The following SLC5A10 variants were observed in gnomAD, a reference collection of about 807,000 sequenced individuals.
The protein encoded by SLC5A10 is solute carrier family 5 member 10, also known as sodium/mannose cotransporter SLC5A10.
A neutral mutation model predicts 68.9 loss-of-function variants in SLC5A10; 55 were observed. The observed-to-expected ratio is 0.80, with a 90% confidence interval of 0.64 to 1.00. The LOEUF (loss-of-function observed/expected upper bound fraction) is 1.00. Ranked by LOEUF, SLC5A10 falls within the 50% of genes least tolerant of loss-of-function variation. The pLI is 0.00. For synonymous variants in SLC5A10, 344 were observed against 344.8 expected (o/e 1.00, Z 0.02); for missense variants, 732 against 819.3 (o/e 0.89, Z 1.30).
intron 8 of SLC5A10, among the ~76,000 whole-genome samples, chr17:18,975,060 G>A: frequency 6.6e-6 from 1 of 152,196 alleles, no homozygotes; most frequent in East Asian, 1.9e-4. Context: ...GCTGACATGA[G>A]CACAGATTGG....
intron 8 of SLC5A10, among the ~76,000 whole-genome samples, chr17:18,974,915 C>T (rs2042942690): frequency 6.6e-6 from 1 of 152,070 alleles, no homozygotes; most frequent in African/African-American, 2.4e-5. Context: ...GAGTTGGGGG[C>T]CCAGCCTTGC....
chr17:18,970,867 C>T, intron 7 of SLC5A10, 146 bp from the exon 8 acceptor site: 1 of 688,090 alleles, frequency 1.5e-6, no homozygotes, highest in Non-Finnish European at 2.5e-6. Flanking sequence ...ACCCTCACAC[C>T]TTTCCAAACA....
intron 8 of SLC5A10, among the ~76,000 whole-genome samples, chr17:18,973,294 C>T (rs1157805037): frequency 6.6e-6 from 1 of 152,210 alleles, no homozygotes; most frequent in Non-Finnish European, 1.5e-5. Context: ...AACGAATCTG[C>T]ACATGTCCTG....
chr17:18,950,997 G>C (rs1473711414), upstream of SLC5A10: 1 of 152,274 alleles, frequency 6.6e-6, no homozygotes, highest in Non-Finnish European at 1.5e-5. Flanking sequence ...CCTCCCAAGG[G>C]CATGAGCCAC....
intron 9 of SLC5A10, among the ~76,000 whole-genome samples, chr17:18,992,875 C>T (rs562419317): frequency 6.6e-6 from 1 of 152,250 alleles, no homozygotes; most frequent in South Asian, 2.1e-4. Context: ...TGCTGGTGGC[C>T]GCCCTCTCCC....
In SLC5A10 at chr17:19,015,054, C is replaced by T. The variant is rs141223606; in HGVS notation, c.1096C>T (p.Arg366Trp). 8.7e-6 allele frequency: 14 copies of T among 1,613,086 alleles called. No individual in the cohort carries two copies. The Admixed American group carries it at 1.3e-4, about 15-fold the overall frequency. The change falls in exon 11 of 15, where the codon CGG becomes TGG. Residue 366 changes from arginine (R) to tryptophan (W), a missense_variant. Arg to Trp is a moderately radical substitution (Grantham distance 101). Coordinates refer to ENST00000395645, the MANE Select transcript of SLC5A10 (RefSeq NM_001042450.4). ...LVMELMPIGL[R>W]GLMIAVMLAA... Reference sequence around the variant, plus strand: ...CATCCCCCGTCCCACCCCAGGTCTGCGGGGGCTGATGATCGCAGTGATGCT... The same window carrying T: ...CATCCCCCGTCCCACCCCAGGTCTGTGGGGGCTGATGATCGCAGTGATGCT...
intron 9 of SLC5A10, among the ~76,000 whole-genome samples, chr17:18,998,645 C>T (rs1462864406): frequency 6.6e-6 from 1 of 152,204 alleles, no homozygotes; most frequent in Non-Finnish European, 1.5e-5. Context: ...GCTCCTTCCT[C>T]GAAGGGCTGC....
chr17:18,983,980 T>C (rs550412763), intron 9 of SLC5A10, among the ~76,000 whole-genome samples: 2 of 152,294 alleles, frequency 1.3e-5, no homozygotes, highest in South Asian at 4.1e-4. Flanking sequence ...TCAATGCTGG[T>C]AGTACCCCCA....
chr17:18,977,365 A>T, intron 9 of SLC5A10: 2 of 595,192 alleles, frequency 3.4e-6, no homozygotes, highest in East Asian at 5.9e-5. Context: ...TTGCCTTTTC[A>T]GGATGCTGGG....
intron 7 of SLC5A10, 95 bp from the exon 8 acceptor site, chr17:18,970,918 C>T (rs2152001307): frequency 8.4e-7 from 1 of 1,191,106 alleles, no homozygotes; most frequent in East Asian, 2.4e-5. Flanking sequence ...TTTGATGCAT[C>T]AGGAAGTTTC....
At chr17:18,979,514 C>A in intron 9 of SLC5A10, 1 of 1,609,996 alleles carries the variant, frequency 6.2e-7, no homozygotes, top group Non-Finnish European at 8.5e-7. Context: ...CCAGAGGTAC[C>A]TCTCGCACAA....
Position 18,996,137 on chromosome 17 carries a change from A to G in SLC5A10, c.983-17273A>G, listed in dbSNP as rs975265690. On this transcript the variant is annotated intron_variant, in intron 9 of 14. Transcript: ENST00000395645. The surrounding 1 kb of genome is among the most constrained non-coding windows in gnomAD (Gnocchi z 4.4). ...GCAATATCTTTAAAGTACTAAATGG[A>G]AAAAAAAAAAAATCAACTTAGAATT... is the stretch of plus-strand genomic sequence containing the variant. Among the ~76,000 whole-genome samples the G allele has an allele frequency of 2.1e-5, 2 of 94,334 alleles. No individual in the cohort carries two copies. Among genetic ancestry groups the G allele is most frequent in the East Asian group, 7.5e-4 (1 of 1,332 alleles). 61.9% of individuals were successfully genotyped at this position (94,334 alleles called of 152,430 possible).
intron 1 of SLC5A10, 79 bp from the exon 2 acceptor site, chr17:18,958,603 G>C (rs1451198764): frequency 3.9e-6 from 5 of 1,265,888 alleles, no homozygotes; most frequent in Admixed American, 1.8e-5. Context: ...CTTTTGAGGA[G>C]CTGCCAAGCC....
At chr17:18,988,594 G>T (rs532242356) in intron 9 of SLC5A10, among the ~76,000 whole-genome samples, 1 of 152,342 alleles carries the variant, frequency 6.6e-6, no homozygotes, top group Non-Finnish European at 1.5e-5. Flanking sequence ...CTCTTGCCCT[G>T]AAGTTCTAGT....
At chr17:18,984,113 C>A (rs140712039) in intron 9 of SLC5A10, among the ~76,000 whole-genome samples, 11 of 152,094 alleles carry the variant, frequency 7.2e-5, no homozygotes, top group Admixed American at 6.5e-4. Context: ...GAGGCCGAGG[C>A]GGGCGGATCA....
rs2042832312 is a variant in SLC5A10, at chr17:18,971,143, C to A, written c.771C>A (p.His257Gln). 6.2e-7 allele frequency: 1 copy of A among 1,613,968 alleles called. No homozygotes were observed. Among genetic ancestry groups the A allele is most frequent in the East Asian group, 2.2e-5 (1 of 44,890 alleles). The change falls in exon 8 of 15, where the codon CAC (histidine) becomes CAA (glutamine). Residue 257 changes from histidine (H) to glutamine (Q), a missense_variant. Physicochemically the swap from His to Gln is conservative, Grantham distance 24. Transcript: ENST00000395645. This position sits in a 1 kb window ranked among gnomAD's most constrained non-coding sequence, Gnocchi z 5.5. ...CCATGCACATGTTTCGAGACCCCCA[C>A]ACAGGGGACCTGCCGTGGACCGGGA... ...TDAMHMFRDPHTGDLPWTGMT... is the reference protein window; with the variant it reads ...TDAMHMFRDPQTGDLPWTGMT...
At chr17:18,978,319 G>C in intron 9 of SLC5A10, 1 of 1,608,958 alleles carries the variant, frequency 6.2e-7, no homozygotes, top group Non-Finnish European at 8.5e-7. Context: ...AGGTGTCACG[G>C]ATCTTGATGC....
rs569259053 is a variant in SLC5A10 at position 18,971,516 on chromosome 17, T to C, written c.846+298T>C. On this transcript the variant is annotated intron_variant, in intron 8 of 14. Transcript: ENST00000395645. This position sits in a 1 kb window ranked among gnomAD's most constrained non-coding sequence, Gnocchi z 5.5. ...CGGATGCTCCTCGGTGGCCCTGCCA[T>C]CGGTCATGGGGCGGGCATTTTGGGC... The C allele has an allele frequency of 6.2e-6, 10 of 1,613,972 alleles. No individual in the cohort carries two copies. The highest frequency in any genetic ancestry group is 8.5e-6 in the Non-Finnish European group (10 of 1,180,008).
upstream of SLC5A10, chr17:18,952,030 G>A (rs577764627): frequency 1.6e-5 from 17 of 1,046,420 alleles, no homozygotes; most frequent in East Asian, 2.2e-4. Flanking sequence ...ACCATGGGGT[G>A]AGGAAGCTGA....
Sources: gnomAD v4.1 joint callset for allele counts (sites outside exome capture counted in the v4.1 genomes callset) on GRCh38, gnomAD v4.1.1 for gene constraint, Gnocchi (gnomAD v3.1) non-coding constraint, MANE v1.5 for transcripts, NCBI Gene and HGNC (gene_info 2026-07-23, HGNC 2026-07-21) for gene names.